EFCAB5: variants seen among roughly 807,000 people sequenced by gnomAD.
EFCAB5 encodes EF-hand calcium-binding domain-containing protein 5.
In EFCAB5, 131 loss-of-function variants were observed where a neutral mutation model predicts 167.9. That is an observed-to-expected ratio of 0.78 (90% CI 0.68 to 0.90). The LOEUF (loss-of-function observed/expected upper bound fraction) is 0.90, where lower values mean the gene tolerates loss of function less well. Ranked by LOEUF, EFCAB5 falls within the 40% of genes least tolerant of loss-of-function variation. The pLI, the probability that EFCAB5 is intolerant of heterozygous loss-of-function variation, is 0.00. For missense variants in EFCAB5, 1,663 were observed against 1,745.2 expected (o/e 0.95, Z 0.84); for synonymous variants, 574 against 602.8 (o/e 0.95, Z 0.70).
chr17:30,098,605 G>A (rs945864846), intron 22 of EFCAB5, among the ~76,000 whole-genome samples: 3 of 151,356 alleles, frequency 2.0e-5, no homozygotes, highest in African/African-American at 7.3e-5. Flanking sequence ...CTACAGGACT[G>A]CTGCCACCAC....
rs571512847 is a variant in EFCAB5, at chr17:30,060,216, CA to C, written c.2737+523del. Reference sequence around the variant, plus strand: ...CCTAAAACTTAAAGTATAATAATAACAAAAAAAATAAAAAAAAATTTAAAAA... The same window carrying C: ...CCTAAAACTTAAAGTATAATAATAACAAAAAAATAAAAAAAAATTTAAAAA... On this transcript the variant is annotated intron_variant, in intron 14 of 22. Coordinates refer to ENST00000394835, the MANE Select transcript of EFCAB5 (RefSeq NM_198529.4). Among the ~76,000 whole-genome samples, 336 of 147,614 alleles carry C rather than the reference CA, an allele frequency of 2.3e-3. 2 individuals carry two copies. The highest frequency in any genetic ancestry group is 7.8e-3 in the African/African-American group (318 of 40,964).
intron 14 of EFCAB5, among the ~76,000 whole-genome samples, chr17:30,063,645 T>A (rs1470415066): frequency 1.3e-5 from 2 of 152,054 alleles, no homozygotes; most frequent in Admixed American, 6.5e-5. Context: ...GTTTGGGAGA[T>A]CCTGTGCTTA....
chr17:29,986,937 G>A (rs1322194423), intron 4 of EFCAB5, among the ~76,000 whole-genome samples: 11 of 151,942 alleles, frequency 7.2e-5, no homozygotes, highest in South Asian at 4.1e-4. Flanking sequence ...GTGAGCCACC[G>A]CGCCCGGCCG....
chr17:30,068,746 C>T (rs531228689), intron 14 of EFCAB5: 93 of 1,436,116 alleles, frequency 6.5e-5, no homozygotes, highest in Non-Finnish European at 8.8e-5. Context: ...TGAGCTGTTC[C>T]GCAGGAGTCC....
At chr17:30,058,242 G>T (rs1419789547) in intron 13 of EFCAB5, among the ~76,000 whole-genome samples, 1 of 152,096 alleles carries the variant, frequency 6.6e-6, no homozygotes, top group Non-Finnish European at 1.5e-5. Context: ...CACACACCTG[G>T]GGTATGATTA....
At chr17:30,018,193 G>GTT (rs141002214) in intron 7 of EFCAB5, among the ~76,000 whole-genome samples, 1 of 142,404 alleles carries the variant, frequency 7.0e-6, no homozygotes. Context: ...TGATGTCAGT[G>GTT]TTTTTTTTTT....
chr17:30,092,196 A>C (rs1476811004), intron 21 of EFCAB5, 39 bp downstream of exon 21: 6 of 1,564,726 alleles, frequency 3.8e-6, no homozygotes, highest in Non-Finnish European at 5.2e-6. Context: ...AAATTGAAGA[A>C]TCGCCTAAAC....
Position 30,080,908 on chromosome 17 carries a change from T to A in EFCAB5, c.3353T>A (p.Val1118Asp). Residue 1118 changes from valine to aspartate, a missense_variant, in exon 17 of 23, where the codon GTC becomes GAC. Val to Asp is a radical substitution (Grantham distance 152). Coordinates refer to ENST00000394835, the MANE Select transcript of EFCAB5 (RefSeq NM_198529.4). ...GATGCATATATGAGGATCTTTGGGG[T>A]CTTGGCTGTTGATACCCTTAGAGAT... is the stretch of plus-strand genomic sequence containing the variant. ...LQDAYMRIFGVLAVDTLRDPH... is the reference protein window; with the variant it reads ...LQDAYMRIFGDLAVDTLRDPH... 1.2e-6 allele frequency: 2 copies of A among 1,613,754 alleles called. No homozygotes were observed. Among genetic ancestry groups the A allele is most frequent in the Non-Finnish European group, 1.7e-6 (2 of 1,179,848 alleles).
intron 14 of EFCAB5, chr17:30,069,675 C>T: frequency 6.9e-7 from 1 of 1,453,232 alleles, no homozygotes; most frequent in Non-Finnish European, 9.5e-7. Flanking sequence ...TGCATGGGCG[C>T]TCACAGGCTG....
chr17:30,089,620 A>G (rs546873193), intron 19 of EFCAB5, among the ~76,000 whole-genome samples: 7 of 152,210 alleles, frequency 4.6e-5, no homozygotes, highest in African/African-American at 1.7e-4. Flanking sequence ...CAGATCCCCA[A>G]AATGCCTTTT....
chr17:29,941,988 T>A (rs1265403908), intron 1 of EFCAB5, 150 bp downstream of exon 1: 7 of 964,136 alleles, frequency 7.3e-6, no homozygotes, highest in Non-Finnish European at 1.1e-5. Context: ...AGAAATGCTG[T>A]AAAAGGGGTC....
At chr17:29,947,002 C>T (rs1039806158) in intron 3 of EFCAB5, among the ~76,000 whole-genome samples, 2 of 151,636 alleles carry the variant, frequency 1.3e-5, no homozygotes, top group Admixed American at 6.6e-5. Context: ...GGTGAAACCC[C>T]GTCTGTACTA....
chr17:29,986,637 A>ATTTTGTTTTTTT (rs2068287842), intron 4 of EFCAB5, among the ~76,000 whole-genome samples: 1 of 58,056 alleles, frequency 1.7e-5, no homozygotes, highest in Admixed American at 2.4e-4. Flanking sequence ...GAGTATATTC[A>ATTTTGTTTTTTT]TTTTTTTTTT....
At chr17:30,031,094 A>AT (rs1420594613) in intron 7 of EFCAB5, among the ~76,000 whole-genome samples, 6 of 152,166 alleles carry the variant, frequency 3.9e-5, no homozygotes, top group Non-Finnish European at 8.8e-5. Context: ...ATTCTGACTT[A>AT]TGAGTAATAT....
chr17:29,986,534 T>C (rs1230999346), intron 4 of EFCAB5, among the ~76,000 whole-genome samples: 1 of 152,008 alleles, frequency 6.6e-6, no homozygotes, highest in Non-Finnish European at 1.5e-5. Flanking sequence ...TGTTCTGCAG[T>C]GCAATCTTCC....
chr17:30,069,080 A>C, intron 14 of EFCAB5: 1 of 1,445,338 alleles, frequency 6.9e-7, no homozygotes, highest in Non-Finnish European at 9.7e-7. Flanking sequence ...CTTTACTCAG[A>C]ACAAAGAGCC....
chr17:30,064,139 G>T (rs1375365913), intron 14 of EFCAB5, among the ~76,000 whole-genome samples: 1 of 152,006 alleles, frequency 6.6e-6, no homozygotes, highest in African/African-American at 2.4e-5. Flanking sequence ...CACTACCAAA[G>T]GAATATAACT....
intron 7 of EFCAB5, chr17:30,031,775 A>T (rs545771730): frequency 6.9e-6 from 1 of 144,042 alleles, no homozygotes; most frequent in East Asian, 2.2e-4. Flanking sequence ...TAATTTCAGT[A>T]CTTTGAGAGG....
At position 30,080,962 on chromosome 17, in the gene EFCAB5, A is replaced by T; in HGVS notation, c.3407A>T (p.His1136Leu). Residue 1136 changes from histidine to leucine, a missense_variant, in exon 17 of 23, where the codon CAT becomes CTT. Coordinates refer to ENST00000394835, the MANE Select transcript of EFCAB5 (RefSeq NM_198529.4). The part of the protein sequence containing the change: ...DPHEINIFLP[H>L]EIRFYQGVAN... ...CACGAAATAAACATCTTTCTACCTCATGAGATCAGATTCTATCAGGTAAGT... is the reference window on the plus strand; with the variant it reads ...CACGAAATAAACATCTTTCTACCTCTTGAGATCAGATTCTATCAGGTAAGT... The T allele has an allele frequency of 6.2e-7, 1 of 1,612,674 alleles. No homozygotes were observed. The highest frequency in any genetic ancestry group is 8.5e-7 in the Non-Finnish European group (1 of 1,179,708).
Sources: allele counts gnomAD v4.1 joint callset (sites outside exome capture counted in the v4.1 genomes callset), GRCh38; gene constraint gnomAD v4.1.1; transcripts MANE v1.5; gene names NCBI Gene and HGNC (gene_info 2026-07-23, HGNC 2026-07-21).